The following ERBB4 variants were observed in gnomAD, a reference collection of about 807,000 sequenced individuals.
The protein encoded by ERBB4 is erb-b2 receptor tyrosine kinase 4.
ERBB4 carries 42 observed loss-of-function variants against 158.0 expected under a neutral mutation model. The ratio of observed to expected loss-of-function variants is 0.27; its 90% CI spans 0.21 to 0.34. The LOEUF (loss-of-function observed/expected upper bound fraction) is 0.34, where lower values mean the gene tolerates loss of function less well. Ranked by LOEUF, ERBB4 falls within the 10% of genes least tolerant of loss-of-function variation. The pLI, the probability that ERBB4 is intolerant of heterozygous loss-of-function variation, is 1.00. For missense variants in ERBB4, 1,333 were observed against 1,624.1 expected (o/e 0.82, Z 3.08); for synonymous variants, 583 against 558.7 (o/e 1.04, Z -0.61).
At chr2:211,627,777 A>C (rs997334387) in intron 17 of ERBB4, among the ~76,000 whole-genome samples, 3 of 152,212 alleles carry the variant, frequency 2.0e-5, no homozygotes, top group African/African-American at 7.2e-5. Context: ...GGTAAGATGG[A>C]AGTTGAGAAG....
At chr2:212,468,875 C>T (rs1204166729) in intron 1 of ERBB4, among the ~76,000 whole-genome samples, 1 of 152,190 alleles carries the variant, frequency 6.6e-6, no homozygotes, top group Non-Finnish European at 1.5e-5. Flanking sequence ...TATAAGTTAT[C>T]TGCCACATTA....
chr2:211,744,497 C>A (rs1353437771), intron 5 of ERBB4, among the ~76,000 whole-genome samples: 1 of 152,130 alleles, frequency 6.6e-6, no homozygotes, highest in African/African-American at 2.4e-5. Context: ...TCCCACAGAC[C>A]TTCCCTGAAG....
intron 2 of ERBB4, among the ~76,000 whole-genome samples, chr2:212,062,045 CT>C (rs1397867271): frequency 6.6e-6 from 1 of 152,006 alleles, no homozygotes; most frequent in Non-Finnish European, 1.5e-5. Flanking sequence ...TAGATTGTTT[CT>C]TTTATACTGT....
In ERBB4 at chr2:211,892,463, CA is replaced by C. The variant is rs1328272352; in HGVS notation, c.421+54966del. ...CACAGCCAATATCATACTGAATGGG[CA>C]AAAACTGGAAGCATTCCCTTTGAAA... is the stretch of plus-strand genomic sequence containing the variant. On this transcript the variant is annotated intron_variant, in intron 3 of 27. Transcript: ENST00000342788. Among the ~76,000 whole-genome samples, 21 of 126,650 alleles carry C rather than the reference CA, an allele frequency of 1.7e-4. 2 individuals carry two copies. The highest frequency in any genetic ancestry group is 7.1e-4 in the African/African-American group (21 of 29,606). 83.1% of individuals were successfully genotyped at this position (126,650 alleles called of 152,430 possible).
intron 1 of ERBB4, among the ~76,000 whole-genome samples, chr2:212,280,409 C>T (rs756624645): frequency 5.3e-5 from 8 of 151,520 alleles, no homozygotes; most frequent in Non-Finnish European, 1.2e-4. Context: ...ACAAAAAAGC[C>T]AAAATTCTTT....
chr2:211,837,356 C>G (rs1198450643), intron 3 of ERBB4, among the ~76,000 whole-genome samples: 3 of 152,048 alleles, frequency 2.0e-5, no homozygotes, highest in African/African-American at 7.2e-5. Context: ...AAGTGAATGA[C>G]TGAAAAACTC....
intron 20 of ERBB4, among the ~76,000 whole-genome samples, chr2:211,559,185 T>G (rs2067318179): frequency 6.6e-6 from 1 of 152,168 alleles, no homozygotes; most frequent in Non-Finnish European, 1.5e-5. Flanking sequence ...CCTTAAATTT[T>G]GCCCCCCAAA....
intron 19 of ERBB4, among the ~76,000 whole-genome samples, chr2:211,599,513 C>CTGTGTGTGTGTGTGTGTG (rs6147153): frequency 0.031 from 4,339 of 140,860 alleles, 182 homozygotes; most frequent in African/African-American, 0.1. Flanking sequence ...ATAATTTCTT[C>CTGTGTGTGTGTGTGTGTG]TGTGTGTGTG....
At chr2:212,007,333 C>T (rs6733992) in intron 2 of ERBB4, among the ~76,000 whole-genome samples, 101,968 of 151,500 alleles carry the variant, frequency 0.67, 35,086 homozygotes, top group East Asian at 0.93. Context: ...TCAAAAATAT[C>T]AAAGGACTAT....
chr2:211,763,337 C>G (rs2075463718), intron 4 of ERBB4, among the ~76,000 whole-genome samples: 1 of 152,074 alleles, frequency 6.6e-6, no homozygotes, highest in Admixed American at 6.6e-5. Context: ...ATAGAAATAT[C>G]TCCTATATAA....
chr2:211,875,050 A>AAAAAAAAAAAAC (rs66500425), intron 3 of ERBB4, among the ~76,000 whole-genome samples: 12 of 75,858 alleles, frequency 1.6e-4, no homozygotes, highest in African/African-American at 2.2e-4. Flanking sequence ...AAAAAAAAAA[A>AAAAAAAAAAAAC]CAAACTCAAA....
intron 1 of ERBB4, among the ~76,000 whole-genome samples, chr2:212,245,513 G>A (rs1013927555): frequency 1.3e-5 from 2 of 152,222 alleles, no homozygotes; most frequent in African/African-American, 2.4e-5. Context: ...AGATATTGAC[G>A]TTAATATTAT....
intron 25 of ERBB4, among the ~76,000 whole-genome samples, chr2:211,416,827 TTTTA>T (rs1397911603): frequency 4.6e-5 from 7 of 152,100 alleles, no homozygotes; most frequent in African/African-American, 1.7e-4. Context: ...TTTTTTTTTT[TTTTA>T]ACCCTACACA....
rs1369438257 is a variant in ERBB4 at position 211,378,797 on chromosome 2, CTG to C, written c.*4816_*4817del. 8.6e-6 allele frequency: 2 copies of C among 232,546 alleles called. No individual in the cohort carries two copies. The highest frequency in any genetic ancestry group is 1.7e-5 in the Non-Finnish European group (2 of 117,570). 14.4% of individuals were successfully genotyped at this position (232,546 alleles called of 1,614,324 possible). A position where few individuals can be genotyped will look rare whatever the true frequency, so the allele number is the denominator to read the frequency against. ...ACATGGGGCAAGGCTGTCCTTCAAA[CTG>C]ATACACACCGAAGTCCATGTACACA... On this transcript the variant is annotated 3_prime_UTR_variant, in exon 28 of 28. Coordinates refer to ENST00000342788, the MANE Select transcript of ERBB4 (RefSeq NM_005235.3).
At chr2:212,306,535 T>C (rs944101179) in intron 1 of ERBB4, among the ~76,000 whole-genome samples, 2 of 151,458 alleles carry the variant, frequency 1.3e-5, no homozygotes, top group Admixed American at 1.3e-4. Flanking sequence ...TGATTTCCAT[T>C]TAGAGCTTGT....
intron 1 of ERBB4, among the ~76,000 whole-genome samples, chr2:212,361,658 G>C (rs1180762554): frequency 6.6e-6 from 1 of 151,636 alleles, no homozygotes; most frequent in Non-Finnish European, 1.5e-5. Flanking sequence ...AATAGTTAGG[G>C]CAAGGGGCTT....
Position 212,377,209 on chromosome 2 carries a change from A to G in ERBB4, c.82+161240T>C, listed in dbSNP as rs1448897855. ...AAATGTTCCTGGCAAATATATATATATATATGAATATATATAAAATAAAAT... is the reference window on the plus strand; with the variant it reads ...AAATGTTCCTGGCAAATATATATATGTATATGAATATATATAAAATAAAAT... On this transcript the variant is annotated intron_variant, in intron 1 of 27. Transcript: ENST00000342788. Among the ~76,000 whole-genome samples the G allele has an allele frequency of 2.7e-5, 4 of 148,152 alleles. No individual in the cohort carries two copies. In the East Asian group the frequency reaches 7.8e-4, roughly 29 times the overall value.
intron 3 of ERBB4, among the ~76,000 whole-genome samples, chr2:211,855,691 G>A (rs2106049651): frequency 6.6e-6 from 1 of 152,180 alleles, no homozygotes; most frequent in South Asian, 2.1e-4. Flanking sequence ...GGCATACTGT[G>A]TACTGTAGCT....
chr2:212,206,610 C>T (rs1243934770), intron 1 of ERBB4, among the ~76,000 whole-genome samples: 6 of 75,974 alleles, frequency 7.9e-5, no homozygotes, highest in Admixed American at 4.2e-4. Flanking sequence ...TTTTTTGAGA[C>T]GGAGTCTCGC....
Sources: gnomAD v4.1 joint callset for allele counts (sites outside exome capture counted in the v4.1 genomes callset) on GRCh38, gnomAD v4.1.1 for gene constraint, MANE v1.5 for transcripts, NCBI Gene and HGNC (gene_info 2026-07-23, HGNC 2026-07-21) for gene names.